GATA5: variants seen among roughly 807,000 people sequenced by gnomAD.
The protein encoded by GATA5 is transcription factor GATA-5.
A neutral mutation model predicts 35.0 loss-of-function variants in GATA5; 27 were observed. The ratio of observed to expected loss-of-function variants is 0.77; its 90% confidence interval spans 0.57 to 1.06. The LOEUF (loss-of-function observed/expected upper bound fraction) is 1.06, where lower values mean the gene tolerates loss of function less well. Among genes scored for constraint, GATA5 ranks in the 50% least tolerant of loss-of-function variants. The pLI, the probability that GATA5 is intolerant of heterozygous loss-of-function variation, is 0.00. For synonymous variants in GATA5, 306 were observed against 267.8 expected, an observed-to-expected ratio of 1.14 and a Z score of -1.39; for missense variants, 612 against 580.0, an observed-to-expected ratio of 1.06 and a Z score of -0.57.
At chr20:62,466,277 C>A (rs56087534) in intron 4 of GATA5, 149 bp downstream of exon 4, 3 of 933,198 alleles carry the variant, frequency 3.2e-6, no homozygotes, top group South Asian at 3.5e-5. Flanking sequence ...GTGCCGCAGT[C>A]GGCCGGCCGG....
rs980231005 is a variant in GATA5 at position 62,473,500 on chromosome 20, C to A, written c.602G>T (p.Arg201Leu). The A allele has an allele frequency of 6.2e-7, 1 of 1,609,646 alleles. No individual in the cohort carries two copies. The highest frequency in any genetic ancestry group is 1.3e-5 in the African/African-American group (1 of 75,010). ...NCGALSTPLWRRDGTGHYLCN... is the reference protein window; with the variant it reads ...NCGALSTPLWLRDGTGHYLCN... ...CAGGTAGTGGCCGGTGCCGTCTCGG[C>A]GCCACAGCGGTGTGGACAGGGCCCC... is the stretch of plus-strand genomic sequence containing the variant. The change falls in exon 3 of 7, where the codon CGC becomes CTC. Residue 201 changes from arginine (R) to leucine (L), a missense_variant. By Grantham distance (102) the Arg-to-Leu change is moderately radical. Coordinates refer to ENST00000252997, the MANE Select transcript of GATA5 (RefSeq NM_080473.5).
chr20:62,470,242 G>A lies in GATA5; in HGVS notation c.699+3161C>T, dbSNP rs550427260. On this transcript the variant is annotated intron_variant, in intron 3 of 6. Transcript: ENST00000252997. The surrounding 1 kb of genome is among the most constrained non-coding windows in gnomAD (Gnocchi z 4.6). ...GAAGGCGGGAGAGGGAAGGAGGTTC[G>A]AGCCTGGCTTGGAGGGATGAAGCGC... 1.3e-5 allele frequency among the ~76,000 whole-genome samples: 2 copies of A among 152,368 alleles called. No individual in the cohort carries two copies. Among genetic ancestry groups the A allele is most frequent in the Admixed American group, 1.3e-4 (2 of 15,312 alleles).
intron 3 of GATA5, among the ~76,000 whole-genome samples, chr20:62,468,553 G>C (rs2146483495): frequency 6.6e-6 from 1 of 152,370 alleles, no homozygotes; most frequent in East Asian, 1.9e-4. Flanking sequence ...CGCTGCCCCT[G>C]CTTCATCTGG....
chr20:62,473,520 G>A lies in GATA5; in HGVS notation c.582C>T (p.Ala194=). 1 of 1,608,272 alleles carries A rather than the reference G, an allele frequency of 6.2e-7. No individual in the cohort carries two copies. The highest frequency in any genetic ancestry group is 1.7e-5 in the Admixed American group (1 of 59,368). The change falls in exon 3 of 7, where the codon GCC becomes GCT. Residue 194 remains alanine (A), a synonymous_variant. Transcript: ENST00000252997. ...CTCGGCGCCACAGCGGTGTGGACAG[G>A]GCCCCGCAGTTGACACACTCACGAC... ...GEGRECVNCG[A]LSTPLWRRDG...
At chr20:62,471,331 A>G (rs1352352203) in intron 3 of GATA5, among the ~76,000 whole-genome samples, 3 of 151,992 alleles carry the variant, frequency 2.0e-5, no homozygotes, top group Non-Finnish European at 4.4e-5. Context: ...CTGCAGTCTC[A>G]CGGGAGCTGG....
chr20:62,475,018 T>G lies in GATA5; in HGVS notation c.504A>C (p.Pro168=). The G allele has an allele frequency of 6.6e-6, 9 of 1,368,064 alleles. No homozygotes were observed. The highest frequency in any genetic ancestry group is 8.5e-6 in the Non-Finnish European group (9 of 1,056,054). The allele number at this position is 1,368,064 out of a possible 1,614,324, so 84.7% of individuals were successfully genotyped here. Residue 168 remains proline, a synonymous_variant, in exon 2 of 7, where the codon CCA becomes CCC. Transcript: ENST00000252997. Reference sequence around the variant, plus strand: ...ACTCACCGAAGGTGGGCCTGCGGCCTGGGAGGCCGTGCAGGACGCTGCCAT... The same window carrying G: ...ACTCACCGAAGGTGGGCCTGCGGCCGGGGAGGCCGTGCAGGACGCTGCCAT... The part of the protein sequence containing the change: ...PFDGSVLHGL[P]GRRPTFVSDF...
chr20:62,475,688 C>G, intron 1 of GATA5, 146 bp from the exon 2 acceptor site: 1 of 476,986 alleles, frequency 2.1e-6, no homozygotes. Context: ...TCCCCGAACC[C>G]GAGGGAGAGG....
At chr20:62,472,099 G>A (rs906229282) in intron 3 of GATA5, among the ~76,000 whole-genome samples, 1 of 152,000 alleles carries the variant, frequency 6.6e-6, no homozygotes, top group South Asian at 2.1e-4. Flanking sequence ...CCACGTGGAC[G>A]CCAGGCTGGA....
Position 62,475,198 on chromosome 20 carries a change from C to A in GATA5, c.324G>T (p.Ala108=). The A allele has an allele frequency of 7.9e-7, 1 of 1,258,384 alleles. No homozygotes were observed. The highest frequency in any genetic ancestry group is 1.0e-6 in the Non-Finnish European group (1 of 999,858). 78.0% of individuals were successfully genotyped at this position (1,258,384 alleles called of 1,614,324 possible). The change falls in exon 2 of 7, where the codon GCG becomes GCT. Residue 108 remains alanine, a synonymous_variant. Transcript: ENST00000252997. ...SPSGPGSGGS[A]GGRDGSAYQG... ...GGTAGGCACTGCCGTCTCGGCCCCCCGCGCTGCCGCCGCTGCCGGGCCCCG... is the reference window on the plus strand; with the variant it reads ...GGTAGGCACTGCCGTCTCGGCCCCCAGCGCTGCCGCCGCTGCCGGGCCCCG...
At chr20:62,473,605 C>G (rs566244361) in intron 2 of GATA5, 27 bp from the exon 3 acceptor site, 3 of 1,559,560 alleles carry the variant, frequency 1.9e-6, no homozygotes, top group South Asian at 1.2e-5. Flanking sequence ...CTGGTGGGCC[C>G]GGGCCCTCCC....
chr20:62,465,596 G>A, intron 5 of GATA5, 132 bp from the exon 6 acceptor site: 5 of 1,268,156 alleles, frequency 3.9e-6, no homozygotes, highest in Non-Finnish European at 5.4e-6. Context: ...CCGCAGGCGT[G>A]GGTGGTGTGG....
intron 3 of GATA5, among the ~76,000 whole-genome samples, chr20:62,469,777 T>C (rs1282832897): frequency 1.3e-5 from 2 of 152,224 alleles, no homozygotes; most frequent in African/African-American, 4.8e-5. Flanking sequence ...TACCCTTTCC[T>C]AAATCTTCAC....
chr20:62,471,902 T>C (rs1311346120), intron 3 of GATA5, among the ~76,000 whole-genome samples: 1 of 148,600 alleles, frequency 6.7e-6, no homozygotes, highest in African/African-American at 2.6e-5. Context: ...CTAATTTCTT[T>C]TTTTTTTTTT....
chr20:62,464,822 G>C lies in GATA5; in HGVS notation c.*14C>G. The C allele has an allele frequency of 6.4e-7, 1 of 1,573,406 alleles. No homozygotes were observed. Among genetic ancestry groups the C allele is most frequent in the Non-Finnish European group, 8.6e-7 (1 of 1,158,344 alleles). ...GTTCCAGGCTGTTCCCCTGACATGGGCTGGCCTGGGGACCTAGGCCAAGGC... is the reference window on the plus strand; with the variant it reads ...GTTCCAGGCTGTTCCCCTGACATGGCCTGGCCTGGGGACCTAGGCCAAGGC... On this transcript the variant is annotated 3_prime_UTR_variant, in exon 7 of 7. Coordinates refer to ENST00000252997, the MANE Select transcript of GATA5 (RefSeq NM_080473.5).
Position 62,464,903 on chromosome 20 carries a change from G to A in GATA5, c.1127C>T (p.Pro376Leu), listed in dbSNP as rs201116843. The stretch of plus-strand genomic sequence containing the variant: ...CCCCCTGAGGCCAGCCTGGGGGCTT[G>A]GGGCCGTGGAGGGGAAGGCAAAGTC... ...PEDFAFPSTA[P>L]SPQAGLRGAL... The change falls in exon 7 of 7, where the codon CCA becomes CTA. Residue 376 changes from proline to leucine, a missense_variant. By Grantham distance (98) the Pro-to-Leu change is moderately conservative (BLOSUM62 -3). Coordinates refer to ENST00000252997, the MANE Select transcript of GATA5 (RefSeq NM_080473.5). 4.8e-5 allele frequency: 78 copies of A among 1,610,816 alleles called. No homozygotes were observed. The Middle Eastern group carries it at 1.4e-3, about 28-fold the overall frequency.
intron 3 of GATA5, among the ~76,000 whole-genome samples, chr20:62,468,253 C>A (rs1391253668): frequency 6.6e-6 from 1 of 152,020 alleles, no homozygotes; most frequent in Non-Finnish European, 1.5e-5. Flanking sequence ...GTTTCCCCGT[C>A]TGTTACTGCC....
intron 3 of GATA5, among the ~76,000 whole-genome samples, 178 bp downstream of exon 3, chr20:62,473,225 C>T (rs374468223): frequency 4.5e-4 from 68 of 152,268 alleles, no homozygotes; most frequent in African/African-American, 1.6e-3. Flanking sequence ...CTGCCCTGAG[C>T]GCTCTCAAAG....
rs143167211 is a variant in GATA5, at chr20:62,465,916, C to T, written c.831G>A (p.Pro277=). ...CGLYMKLHGV[P]RPLAMKKESI... is the part of the protein sequence containing the mutation. ...TTTCCTTCTTCATAGCCAGAGGCCG[C>T]GGCACCTGGCAGGGGTGGCGAGGGT... Residue 277 remains proline (P), a synonymous_variant, in exon 5 of 7, where the codon CCG becomes CCA. Transcript: ENST00000252997. 35 of 1,588,294 alleles carry T rather than the reference C, an allele frequency of 2.2e-5. No homozygotes were observed. Among genetic ancestry groups the T allele is most frequent in the African/African-American group, 2.0e-4 (15 of 74,570 alleles).
chr20:62,475,656 C>A (rs1439981764), intron 1 of GATA5, 114 bp from the exon 2 acceptor site: 12 of 681,566 alleles, frequency 1.8e-5, no homozygotes, highest in Non-Finnish European at 2.1e-5. Flanking sequence ...CAGTCCCCAG[C>A]CCGGGACGTT....
Sources: allele counts gnomAD v4.1 joint callset (sites outside exome capture counted in the v4.1 genomes callset), GRCh38; gene constraint gnomAD v4.1.1; non-coding constraint Gnocchi (gnomAD v3.1); transcripts MANE v1.5; gene names NCBI Gene and HGNC (gene_info 2026-07-23, HGNC 2026-07-21).